TNR: variants seen among roughly 807,000 people sequenced by gnomAD.
TNR encodes tenascin R.
TNR carries 45 observed loss-of-function variants against 150.4 expected under a neutral mutation model. That is an observed-to-expected ratio of 0.30 (90% CI 0.24 to 0.38). TNR has a LOEUF of 0.38. TNR is among the 10% of genes least tolerant of loss of function. The probability of loss-of-function intolerance (pLI) is 1.00; values close to 1 mark genes in which losing one functional copy is unlikely to be tolerated. For missense variants in TNR, 1,544 were observed against 1,759.1 expected (o/e 0.88, Z 2.19); for synonymous variants, 687 against 678.4 (o/e 1.01, Z -0.20).
chr1:175,420,598 C>T lies in TNR; in HGVS notation c.-63-13821G>A, dbSNP rs181009398. On this transcript the variant is annotated intron_variant, in intron 2 of 22. Transcript: ENST00000367674. The stretch of plus-strand genomic sequence containing the variant: ...TCTCACATTGATCTTCCTACCTTTC[C>T]CCTTTTGAAAAGCACTAAAATGAGT... 3.7e-4 allele frequency among the ~76,000 whole-genome samples: 56 copies of T among 152,318 alleles called. 1 individual carries two copies. Among genetic ancestry groups the T allele is most frequent in the Admixed American group, 2.0e-3 (30 of 15,302 alleles).
At chr1:175,602,963 T>C (rs1056689339) in intron 1 of TNR, among the ~76,000 whole-genome samples, 1 of 152,180 alleles carries the variant, frequency 6.6e-6, no homozygotes, top group African/African-American at 2.4e-5. Context: ...CCTTTGTAAG[T>C]TTTCCCAAAT....
chr1:175,495,556 T>A (rs1658451390), intron 2 of TNR, among the ~76,000 whole-genome samples: 1 of 152,194 alleles, frequency 6.6e-6, no homozygotes, highest in Non-Finnish European at 1.5e-5. Context: ...ATCTTCTAAA[T>A]TTCCTTTCTA....
chr1:175,689,213 A>G (rs1366962314), intron 1 of TNR, among the ~76,000 whole-genome samples: 1 of 152,198 alleles, frequency 6.6e-6, no homozygotes, highest in Non-Finnish European at 1.5e-5. Context: ...TTTGTCCTTC[A>G]CCAGGCCACT....
At chr1:175,331,039 T>G (rs924693307) in intron 20 of TNR, among the ~76,000 whole-genome samples, 2 of 73,308 alleles carry the variant, frequency 2.7e-5, no homozygotes, top group African/African-American at 9.2e-5. Flanking sequence ...CTTTCTTTCT[T>G]TCTTTCTTTC....
chr1:175,571,996 A>G (rs1294734538), intron 1 of TNR, among the ~76,000 whole-genome samples: 1 of 152,144 alleles, frequency 6.6e-6, no homozygotes, highest in Non-Finnish European at 1.5e-5. Flanking sequence ...CAAACACCCT[A>G]GGTGTTTGTT....
At chr1:175,484,837 G>C (rs994937027) in intron 2 of TNR, among the ~76,000 whole-genome samples, 11 of 152,208 alleles carry the variant, frequency 7.2e-5, no homozygotes, top group African/African-American at 2.7e-4. Flanking sequence ...GTTCATCACT[G>C]AGAATAACCT....
chr1:175,590,735 A>T (rs929070263), intron 1 of TNR, among the ~76,000 whole-genome samples: 6 of 152,254 alleles, frequency 3.9e-5, no homozygotes, highest in Non-Finnish European at 5.9e-5. Context: ...TGGCAAGATG[A>T]GTGGTTCATT....
chr1:175,663,407 A>C (rs1298036521), intron 1 of TNR, among the ~76,000 whole-genome samples: 1 of 152,232 alleles, frequency 6.6e-6, no homozygotes, highest in Non-Finnish European at 1.5e-5. Flanking sequence ...AGGCAGGCAG[A>C]GGACTGCCCT....
intron 2 of TNR, among the ~76,000 whole-genome samples, chr1:175,501,123 T>C (rs1462531631): frequency 6.6e-6 from 1 of 152,170 alleles, no homozygotes; most frequent in East Asian, 1.9e-4. Flanking sequence ...AGTTCTCTAA[T>C]TAGCTGACCC....
chr1:175,428,856 C>T (rs1655132718), intron 2 of TNR, among the ~76,000 whole-genome samples: 1 of 152,228 alleles, frequency 6.6e-6, no homozygotes, highest in African/African-American at 2.4e-5. Context: ...TCTATCATCA[C>T]TTACTTAAAC....
chr1:175,717,721 A>T (rs12039996), intron 1 of TNR, among the ~76,000 whole-genome samples: 35,546 of 152,136 alleles, frequency 0.23, 4,257 homozygotes, highest in Middle Eastern at 0.29. Context: ...TAACTACCCT[A>T]GTCAAAGGCC....
chr1:175,570,121 A>T (rs1326246920), intron 1 of TNR, among the ~76,000 whole-genome samples: 13 of 152,220 alleles, frequency 8.5e-5, no homozygotes, highest in Admixed American at 7.9e-4. Flanking sequence ...ATCTGCACAC[A>T]CACACTTTCC....
chr1:175,683,351 G>A (rs1666097317), intron 1 of TNR, among the ~76,000 whole-genome samples: 1 of 152,186 alleles, frequency 6.6e-6, no homozygotes, highest in Admixed American at 6.5e-5. Context: ...GTGGTAACAT[G>A]TTACCAGTAC....
Position 175,379,635 on chromosome 1 carries a change from A to G in TNR, c.1880T>C (p.Val627Ala). Residue 627 changes from valine (V) to alanine (A), a missense_variant, in exon 9 of 23, where the codon GTG (valine) becomes GCG (alanine). Coordinates refer to ENST00000367674, the MANE Select transcript of TNR (RefSeq NM_003285.3). ...TTGCTCACCCGCCAGGGTGCTGTACACAACCTTGTACTCCTGAACTTCGGC... is the reference window on the plus strand; with the variant it reads ...TTGCTCACCCGCCAGGGTGCTGTACGCAACCTTGTACTCCTGAACTTCGGC... ...SEAEVQEYKV[V>A]YSTLAGEQYH... 6.2e-7 allele frequency: 1 copy of G among 1,614,182 alleles called. No individual in the cohort carries two copies. Among genetic ancestry groups the G allele is most frequent in the Non-Finnish European group, 8.5e-7 (1 of 1,180,032 alleles).
At chr1:175,642,007 T>C (rs1664679273) in intron 1 of TNR, among the ~76,000 whole-genome samples, 1 of 152,170 alleles carries the variant, frequency 6.6e-6, no homozygotes, top group African/African-American at 2.4e-5. Context: ...TGCTATCAAG[T>C]AGGTCATAAT....
At chr1:175,425,399 T>A (rs1654927462) in intron 2 of TNR, among the ~76,000 whole-genome samples, 1 of 152,310 alleles carries the variant, frequency 6.6e-6, no homozygotes, top group Non-Finnish European at 1.5e-5. Flanking sequence ...ATATTAAGTA[T>A]TTAACATAAG....
At position 175,655,801 on chromosome 1, in the gene TNR, G is replaced by A. The variant is rs540807894; in HGVS notation, c.-165+87425C>T. On this transcript the variant is annotated intron_variant, in intron 1 of 22. Transcript: ENST00000367674. ...AATGTCCTGCCCTGTGAGGGAGAAAGGAACAGGGAAGTCAGAGAGAGGTTT... is the reference window on the plus strand; with the variant it reads ...AATGTCCTGCCCTGTGAGGGAGAAAAGAACAGGGAAGTCAGAGAGAGGTTT... 3.9e-5 allele frequency among the ~76,000 whole-genome samples: 6 copies of A among 152,322 alleles called. No homozygotes were observed. The South Asian group carries it at 1.2e-3, about 32-fold the overall frequency.
intron 1 of TNR, among the ~76,000 whole-genome samples, chr1:175,589,206 C>T (rs1558024240): frequency 6.6e-6 from 1 of 152,186 alleles, no homozygotes; most frequent in Non-Finnish European, 1.5e-5. Flanking sequence ...TTGACCCCAT[C>T]ATATGGTGCT....
intron 2 of TNR, among the ~76,000 whole-genome samples, chr1:175,439,265 G>A (rs990804775): frequency 1.3e-5 from 2 of 152,102 alleles, no homozygotes; most frequent in Admixed American, 6.5e-5. Flanking sequence ...AGAAAAACAA[G>A]CAATGGGGAA....
Sources: gnomAD v4.1 joint callset for allele counts (sites outside exome capture counted in the v4.1 genomes callset) on GRCh38, gnomAD v4.1.1 for gene constraint, MANE v1.5 for transcripts, NCBI Gene and HGNC (gene_info 2026-07-23, HGNC 2026-07-21) for gene names.